The following ATRNL1 variants were observed in gnomAD, a reference collection of about 807,000 sequenced individuals.
ATRNL1 encodes attractin like 1, also known as attractin-like protein 1.
In ATRNL1, 95 loss-of-function variants were observed where a neutral mutation model predicts 182.7. The ratio of observed to expected loss-of-function variants is 0.52; its 90% CI spans 0.44 to 0.62. The LOEUF is 0.62. ATRNL1 is among the 20% of genes least tolerant of loss of function. ATRNL1 has a pLI of 0.00. For missense variants in ATRNL1, 1,471 were observed against 1,679.5 expected, an observed-to-expected ratio of 0.88 and a Z score of 2.17; for synonymous variants, 576 against 568.3, an observed-to-expected ratio of 1.01 and a Z score of -0.19.
chr10:115,677,290 T>C (rs1190711568), intron 26 of ATRNL1, among the ~76,000 whole-genome samples: 1 of 152,098 alleles, frequency 6.6e-6, no homozygotes, highest in East Asian at 1.9e-4. Context: ...AGCTTTATTT[T>C]GCTAACACTT....
At chr10:115,393,645 C>T (rs1490338701) in intron 19 of ATRNL1, among the ~76,000 whole-genome samples, 2 of 152,028 alleles carry the variant, frequency 1.3e-5, no homozygotes, top group African/African-American at 4.8e-5. Context: ...TAATTGTAAC[C>T]TGGAAATACT....
chr10:115,207,375 G>A (rs146836497), intron 8 of ATRNL1, among the ~76,000 whole-genome samples: 1,721 of 151,962 alleles, frequency 0.011, 27 homozygotes, highest in African/African-American at 0.038. Context: ...TTTAATGATC[G>A]CCGTTCTAAC....
At chr10:115,303,923 T>G (rs543111925) in intron 17 of ATRNL1, among the ~76,000 whole-genome samples, 32 of 152,240 alleles carry the variant, frequency 2.1e-4, no homozygotes, top group African/African-American at 7.2e-4. Flanking sequence ...AGCAACAGTT[T>G]CCCTCTCTAT....
chr10:115,780,088 T>C lies in ATRNL1; in HGVS notation c.3903+52733T>C, dbSNP rs558535400. 1.5e-3 allele frequency among the ~76,000 whole-genome samples: 226 copies of C among 152,320 alleles called. 8 individuals carry two copies. The South Asian group carries it at 0.045, about 31-fold the overall frequency. On this transcript the variant is annotated intron_variant, in intron 27 of 28. Coordinates refer to ENST00000355044, the MANE Select transcript of ATRNL1 (RefSeq NM_207303.4). Reference sequence around the variant, plus strand: ...AGGAAATACTGTCTTAAATTGCCACTGCCACTCCTCCTTCATCCCCCAGTA... The same window carrying C: ...AGGAAATACTGTCTTAAATTGCCACCGCCACTCCTCCTTCATCCCCCAGTA...
chr10:115,443,189 T>G (rs182432945), intron 21 of ATRNL1, among the ~76,000 whole-genome samples: 1 of 152,130 alleles, frequency 6.6e-6, no homozygotes, highest in Admixed American at 6.5e-5. Flanking sequence ...TTTTGCATTT[T>G]TTTGGTGATT....
chr10:115,372,157 A>C lies in ATRNL1; in HGVS notation c.3176-22502A>C, dbSNP rs375235169. Among the ~76,000 whole-genome samples, 122 of 152,326 alleles carry C rather than the reference A, an allele frequency of 8.0e-4. 2 individuals carry two copies. In the South Asian group the frequency reaches 0.025, roughly 31 times the overall value. On this transcript the variant is annotated intron_variant, in intron 19 of 28. Coordinates refer to ENST00000355044, the MANE Select transcript of ATRNL1 (RefSeq NM_207303.4). ...TCCCAGTCTTGAGTATGTCTTTATCAGTAGCGTGGAAACGGACTAATACAT... is the reference window on the plus strand; with the variant it reads ...TCCCAGTCTTGAGTATGTCTTTATCCGTAGCGTGGAAACGGACTAATACAT...
intron 19 of ATRNL1, among the ~76,000 whole-genome samples, chr10:115,387,683 T>C (rs1398315136): frequency 6.6e-6 from 1 of 152,242 alleles, no homozygotes; most frequent in African/African-American, 2.4e-5. Flanking sequence ...AATTGAATCA[T>C]GTAATATGTA....
chr10:115,305,651 T>G (rs570328702), intron 17 of ATRNL1, among the ~76,000 whole-genome samples: 1 of 152,212 alleles, frequency 6.6e-6, no homozygotes, highest in Non-Finnish European at 1.5e-5. Context: ...CGACAAACAT[T>G]ATTGTTCAAT....
intron 8 of ATRNL1, among the ~76,000 whole-genome samples, chr10:115,209,237 T>A (rs555769952): frequency 6.6e-6 from 1 of 151,650 alleles, no homozygotes; most frequent in Non-Finnish European, 1.5e-5. Context: ...CTAAAAAGTT[T>A]ATTTCTTTCT....
chr10:115,567,116 T>G (rs1489150439), intron 26 of ATRNL1, among the ~76,000 whole-genome samples: 1 of 152,166 alleles, frequency 6.6e-6, no homozygotes, highest in Non-Finnish European at 1.5e-5. Context: ...AAACAACTGT[T>G]GCATTTAGTT....
intron 18 of ATRNL1, among the ~76,000 whole-genome samples, chr10:115,327,365 G>C (rs1554933691): frequency 6.6e-6 from 1 of 152,092 alleles, no homozygotes. Context: ...TCAGAGAAAT[G>C]CAAATCAAAA....
At chr10:115,915,229 C>T (rs1247535584) in intron 28 of ATRNL1, among the ~76,000 whole-genome samples, 1 of 152,050 alleles carries the variant, frequency 6.6e-6, no homozygotes, top group Non-Finnish European at 1.5e-5. Context: ...AAGCCCGTCT[C>T]TACTAAAAAT....
At chr10:115,097,910 C>A (rs527262816) in intron 1 of ATRNL1, among the ~76,000 whole-genome samples, 1 of 152,064 alleles carries the variant, frequency 6.6e-6, no homozygotes, top group Admixed American at 6.6e-5. Context: ...GGCAACAGAG[C>A]GAGACTCCGT....
At position 115,395,016 on chromosome 10, in the gene ATRNL1, C is replaced by T. The variant is rs371880245; in HGVS notation, c.3269+264C>T. 9.0e-4 allele frequency among the ~76,000 whole-genome samples: 136 copies of T among 151,940 alleles called. 1 individual carries two copies. The highest frequency in any genetic ancestry group is 3.0e-3 in the African/African-American group (126 of 41,484). ...AGATAATTTTAAAGTACTTTTTCCC[C>T]TTCCTGCCTCTCTCTCTCTAGCAGT... On this transcript the variant is annotated intron_variant, in intron 20 of 28. Transcript: ENST00000355044.
chr10:115,422,298 C>T (rs1845684044), intron 20 of ATRNL1, among the ~76,000 whole-genome samples: 1 of 152,134 alleles, frequency 6.6e-6, no homozygotes, highest in Admixed American at 6.5e-5. Context: ...ATGCATCCCA[C>T]AAGGATCTAA....
intron 26 of ATRNL1, among the ~76,000 whole-genome samples, chr10:115,706,479 G>T (rs1321009160): frequency 6.6e-6 from 1 of 151,664 alleles, no homozygotes; most frequent in African/African-American, 2.4e-5. Context: ...GAGATTTTTT[G>T]GGGGTGGGCA....
chr10:115,153,295 C>G (rs1554881162), intron 5 of ATRNL1, among the ~76,000 whole-genome samples: 4 of 152,096 alleles, frequency 2.6e-5, no homozygotes, highest in African/African-American at 9.7e-5. Context: ...AGGAATGGTA[C>G]CAGCTCCTCC....
chr10:115,655,704 T>C (rs1357215807), intron 26 of ATRNL1, among the ~76,000 whole-genome samples: 1 of 152,162 alleles, frequency 6.6e-6, no homozygotes, highest in Non-Finnish European at 1.5e-5. Flanking sequence ...GAATAAAACT[T>C]AAAATAAAAC....
intron 19 of ATRNL1, 28 bp downstream of exon 19, chr10:115,334,447 GT>G (rs1554936095): frequency 6.7e-7 from 1 of 1,487,962 alleles, no homozygotes; most frequent in Non-Finnish European, 9.1e-7. Flanking sequence ...AAATTTTGGT[GT>G]ATTTTTACTA....
Sources: allele counts gnomAD v4.1 joint callset (sites outside exome capture counted in the v4.1 genomes callset), GRCh38; gene constraint gnomAD v4.1.1; transcripts MANE v1.5; gene names NCBI Gene and HGNC (gene_info 2026-07-23, HGNC 2026-07-21).